The following CPQ variants were observed in gnomAD, a reference collection of about 807,000 sequenced individuals.
The protein encoded by CPQ is carboxypeptidase Q.
A neutral mutation model predicts 45.7 loss-of-function variants in CPQ; 37 were observed. The observed-to-expected ratio is 0.81, with a 90% CI of 0.62 to 1.07. The LOEUF (loss-of-function observed/expected upper bound fraction) is 1.07, where lower values mean the gene tolerates loss of function less well. CPQ is among the 50% of genes least tolerant of loss of function. The probability of loss-of-function intolerance (pLI) is 0.00; values close to 1 mark genes in which losing one functional copy is unlikely to be tolerated. For missense variants in CPQ, 537 were observed against 572.9 expected (o/e 0.94, Z 0.64); for synonymous variants, 186 against 205.8 (o/e 0.90, Z 0.82).
intron 4 of CPQ, among the ~76,000 whole-genome samples, chr8:96,919,980 C>T (rs1384990125): frequency 2.6e-5 from 4 of 152,130 alleles, no homozygotes; most frequent in Non-Finnish European, 4.4e-5. Context: ...CTCAATTCAT[C>T]TATGTTAAAA....
intron 3 of CPQ, among the ~76,000 whole-genome samples, chr8:96,863,820 G>C (rs1445744122): frequency 6.6e-6 from 1 of 152,038 alleles, no homozygotes; most frequent in Non-Finnish European, 1.5e-5. Flanking sequence ...AGAATGGATG[G>C]TCTTGACTGG....
At chr8:97,129,904 T>C (rs1811913641) in intron 7 of CPQ, among the ~76,000 whole-genome samples, 1 of 152,158 alleles carries the variant, frequency 6.6e-6, no homozygotes. Context: ...GCTCAGTAGA[T>C]ATAAGATGAA....
chr8:96,905,080 C>A (rs1380999230), intron 4 of CPQ, among the ~76,000 whole-genome samples: 2 of 152,096 alleles, frequency 1.3e-5, no homozygotes, highest in Non-Finnish European at 2.9e-5. Context: ...CTTAGTTCTG[C>A]ATGGCTAGGG....
At chr8:96,655,301 A>G (rs2130707021) in intron 1 of CPQ, among the ~76,000 whole-genome samples, 1 of 152,150 alleles carries the variant, frequency 6.6e-6, no homozygotes, top group Non-Finnish European at 1.5e-5. Context: ...GAATAATTTC[A>G]AATATTCTGT....
At chr8:96,738,394 A>G (rs1197376360) in intron 1 of CPQ, among the ~76,000 whole-genome samples, 4 of 151,626 alleles carry the variant, frequency 2.6e-5, no homozygotes, top group Non-Finnish European at 5.9e-5. Context: ...TTAAGTGCAT[A>G]TATATGTAAA....
intron 2 of CPQ, among the ~76,000 whole-genome samples, chr8:96,825,491 T>TA (rs1178927631): frequency 1.3e-4 from 20 of 151,218 alleles, no homozygotes; most frequent in Admixed American, 1.3e-3. Context: ...AAAATGTGGC[T>TA]AATGCCCTTA....
At chr8:96,808,513 A>G (rs1811115115) in intron 2 of CPQ, among the ~76,000 whole-genome samples, 1 of 152,184 alleles carries the variant, frequency 6.6e-6, no homozygotes. Context: ...ATAGAGAGAA[A>G]TCCAAAATAT....
chr8:96,950,964 G>A (rs1813255292), intron 4 of CPQ, among the ~76,000 whole-genome samples: 1 of 152,114 alleles, frequency 6.6e-6, no homozygotes, highest in African/African-American at 2.4e-5. Context: ...TTACTGTGTT[G>A]TAATAAGAGG....
chr8:97,104,997 G>A (rs1477600549), intron 7 of CPQ, among the ~76,000 whole-genome samples: 1 of 152,180 alleles, frequency 6.6e-6, no homozygotes, highest in East Asian at 1.9e-4. Flanking sequence ...CAGAAAATCT[G>A]TTTCTGACTT....
chr8:97,048,980 T>C (rs1810308802), intron 6 of CPQ, among the ~76,000 whole-genome samples: 1 of 152,236 alleles, frequency 6.6e-6, no homozygotes, highest in Non-Finnish European at 1.5e-5. Flanking sequence ...TATTCACTTG[T>C]ACACAAAGCT....
chr8:97,011,359 G>GA, intron 5 of CPQ, among the ~76,000 whole-genome samples: 1 of 152,276 alleles, frequency 6.6e-6, no homozygotes, highest in South Asian at 2.1e-4. Flanking sequence ...TTTAAAATTG[G>GA]ATAGTTTTAG....
At chr8:96,961,119 C>T (rs1813454731) in intron 4 of CPQ, among the ~76,000 whole-genome samples, 1 of 152,132 alleles carries the variant, frequency 6.6e-6, no homozygotes, top group Non-Finnish European at 1.5e-5. Flanking sequence ...AGGATATGTC[C>T]AATTGTTTTC....
chr8:96,879,694 A>G, intron 3 of CPQ, 104 bp from the exon 4 acceptor site: 1 of 756,158 alleles, frequency 1.3e-6, no homozygotes, highest in Non-Finnish European at 2.2e-6. Flanking sequence ...TCCCAGATGC[A>G]AACAAAGATA....
At chr8:96,880,560 T>C (rs1441626390) in intron 4 of CPQ, among the ~76,000 whole-genome samples, 4 of 48,662 alleles carry the variant, frequency 8.2e-5, no homozygotes, top group Admixed American at 4.0e-4. Flanking sequence ...TATATATATA[T>C]ATATATATAT....
At chr8:96,849,735 C>T (rs2130859119) in intron 3 of CPQ, among the ~76,000 whole-genome samples, 1 of 152,256 alleles carries the variant, frequency 6.6e-6, no homozygotes. Flanking sequence ...CCTCATCCTC[C>T]CCACCATCAC....
intron 1 of CPQ, among the ~76,000 whole-genome samples, chr8:96,654,618 G>T (rs1180012071): frequency 1.3e-5 from 2 of 152,122 alleles, no homozygotes; most frequent in East Asian, 3.9e-4. Context: ...TTGAACTCAT[G>T]GGGTTCTAGG....
intron 5 of CPQ, among the ~76,000 whole-genome samples, chr8:97,017,763 T>C (rs1343732719): frequency 6.6e-6 from 1 of 152,014 alleles, no homozygotes; most frequent in Non-Finnish European, 1.5e-5. Flanking sequence ...GAGTCTGACA[T>C]GCCTAGCCCT....
At chr8:97,029,597 C>T (rs1809861834) in intron 6 of CPQ, 103 bp downstream of exon 6, 1 of 1,015,782 alleles carries the variant, frequency 9.8e-7, no homozygotes, top group South Asian at 1.4e-5. Context: ...GGTCAACTGG[C>T]CCTAGGAAAC....
chr8:96,962,275 CTGT>C (rs1320367416), intron 4 of CPQ, among the ~76,000 whole-genome samples: 3 of 152,156 alleles, frequency 2.0e-5, no homozygotes, highest in African/African-American at 7.2e-5. Context: ...GCTGCTACTG[CTGT>C]TGTTGTTTTC....
Sources: gnomAD v4.1 joint callset for allele counts (sites outside exome capture counted in the v4.1 genomes callset) on GRCh38, gnomAD v4.1.1 for gene constraint, MANE v1.5 for transcripts, NCBI Gene and HGNC (gene_info 2026-07-23, HGNC 2026-07-21) for gene names.